TASP1: variants seen among roughly 807,000 people sequenced by gnomAD.
The protein encoded by TASP1 is taspase 1, also known as threonine aspartase 1.
Under a neutral mutation model 56.6 loss-of-function variants are expected in TASP1, and 16 were observed. The observed-to-expected ratio is 0.28, with a 90% confidence interval of 0.19 to 0.43. The LOEUF is 0.43. Among genes scored for constraint, TASP1 ranks in the 20% least tolerant of loss-of-function variants. TASP1 has a pLI of 1.00. For missense variants in TASP1, 393 were observed against 511.6 expected (o/e 0.77, Z 2.24); for synonymous variants, 179 against 184.2 (o/e 0.97, Z 0.23).
rs562647161 is a variant in TASP1, at chr20:13,588,204, A to C, written c.283-834T>G. The stretch of plus-strand genomic sequence containing the variant: ...GTACCTATTCACCAATATACTGTAC[A>C]ATCTAACCAGACAATTAGACAAAAA... On this transcript the variant is annotated intron_variant, in intron 4 of 13. Coordinates refer to ENST00000337743, the MANE Select transcript of TASP1 (RefSeq NM_017714.3). Among the ~76,000 whole-genome samples, 15 of 151,602 alleles carry C rather than the reference A, an allele frequency of 9.9e-5. No individual in the cohort carries two copies. The South Asian group carries it at 2.9e-3, about 30-fold the overall frequency.
chr20:13,218,515 G>T, the TASP1 span, among the ~76,000 whole-genome samples: 1 of 152,162 alleles, frequency 6.6e-6, no homozygotes, highest in South Asian at 2.1e-4. Flanking sequence ...TGGGAAAACA[G>T]ACATGCAAAC....
the TASP1 span, among the ~76,000 whole-genome samples, chr20:13,119,783 C>A: frequency 6.6e-6 from 1 of 152,200 alleles, no homozygotes; most frequent in African/African-American, 2.4e-5. Context: ...AGATGCAAAA[C>A]CTTGAAAACA....
At chr20:13,408,371 C>T (rs1011124132) in intron 13 of TASP1, among the ~76,000 whole-genome samples, 2 of 152,078 alleles carry the variant, frequency 1.3e-5, no homozygotes, top group Non-Finnish European at 2.9e-5. Context: ...TTGGTGTCCA[C>T]GGGCAATAAT....
chr20:13,284,115 T>C, the TASP1 span, among the ~76,000 whole-genome samples: 2 of 152,140 alleles, frequency 1.3e-5, no homozygotes, highest in African/African-American at 4.8e-5. Flanking sequence ...CCTCACAGGG[T>C]TGTTGTAGGA....
chr20:13,350,614 T>A, the TASP1 span, among the ~76,000 whole-genome samples: 1 of 152,130 alleles, frequency 6.6e-6, no homozygotes, highest in Non-Finnish European at 1.5e-5. Context: ...CAACTTATCA[T>A]CATAATATAT....
intron 4 of TASP1, among the ~76,000 whole-genome samples, chr20:13,615,374 T>A (rs2048485303): frequency 6.6e-6 from 1 of 152,190 alleles, no homozygotes; most frequent in African/African-American, 2.4e-5. Context: ...CTGTCAAATG[T>A]CTAAGATTCA....
the TASP1 span, among the ~76,000 whole-genome samples, chr20:13,220,577 G>A: frequency 6.6e-6 from 1 of 152,216 alleles, no homozygotes; most frequent in Non-Finnish European, 1.5e-5. Context: ...CGCGGGCACT[G>A]CGTCTCTGCA....
intron 8 of TASP1, among the ~76,000 whole-genome samples, chr20:13,542,786 A>C (rs2045670369): frequency 6.6e-6 from 1 of 152,148 alleles, no homozygotes; most frequent in Non-Finnish European, 1.5e-5. Context: ...ATGAAAAACA[A>C]AAATGTAGCA....
At chr20:13,221,144 G>A in the TASP1 span, among the ~76,000 whole-genome samples, 1 of 152,012 alleles carries the variant, frequency 6.6e-6, no homozygotes, top group Non-Finnish European at 1.5e-5. Context: ...TGGCTTGCCG[G>A]GTGAGTGGCT....
chr20:13,257,427 G>C, the TASP1 span, among the ~76,000 whole-genome samples: 6 of 152,186 alleles, frequency 3.9e-5, no homozygotes, highest in Non-Finnish European at 8.8e-5. Flanking sequence ...TGAGGTGGGA[G>C]AATCACTTGA....
chr20:13,134,456 C>T, the TASP1 span, among the ~76,000 whole-genome samples: 3 of 152,146 alleles, frequency 2.0e-5, no homozygotes, highest in Non-Finnish European at 4.4e-5. Flanking sequence ...GTCATCATTT[C>T]ATATTTCATG....
chr20:13,214,519 GCACACACACACACACACACACA>G, the TASP1 span, among the ~76,000 whole-genome samples: 2,054 of 115,768 alleles, frequency 0.018, 29 homozygotes, highest in South Asian at 0.04. Context: ...ACAGAGACAG[GCACACACACACACACACACACA>G]CACACACACA....
chr20:13,147,786 G>C, the TASP1 span, among the ~76,000 whole-genome samples: 2 of 152,164 alleles, frequency 1.3e-5, no homozygotes, highest in Admixed American at 1.3e-4. Flanking sequence ...CTGTATTCTG[G>C]ACAGTGGTCA....
intron 11 of TASP1, among the ~76,000 whole-genome samples, chr20:13,442,855 T>C (rs1294650366): frequency 1.3e-5 from 2 of 152,164 alleles, no homozygotes; most frequent in Admixed American, 6.5e-5. Context: ...CAGATTTTTA[T>C]ATGATCACCA....
chr20:13,386,990 G>C (rs565824884), downstream of TASP1, among the ~76,000 whole-genome samples: 340 of 152,114 alleles, frequency 2.2e-3, 1 homozygote, highest in African/African-American at 7.6e-3. Context: ...GGACCCGATA[G>C]GTGGTTTTTC....
the TASP1 span, among the ~76,000 whole-genome samples, chr20:13,362,599 C>A: frequency 3.1e-4 from 47 of 151,604 alleles, no homozygotes; most frequent in African/African-American, 9.0e-4. Context: ...ACTCTCTTTT[C>A]GGACTCAGCC....
intron 11 of TASP1, among the ~76,000 whole-genome samples, chr20:13,468,613 C>T (rs2044353603): frequency 6.6e-6 from 1 of 152,068 alleles, no homozygotes; most frequent in Non-Finnish European, 1.5e-5. Flanking sequence ...AGCTTAGGCC[C>T]TATTCAGACT....
the TASP1 span, chr20:13,237,950 G>C: frequency 6.6e-6 from 1 of 152,280 alleles, no homozygotes; most frequent in Non-Finnish European, 1.5e-5. Flanking sequence ...AAGACCAACT[G>C]CTGGCTGAGA....
chr20:13,629,078 A>G (rs996433212), intron 2 of TASP1, among the ~76,000 whole-genome samples: 1 of 152,152 alleles, frequency 6.6e-6, no homozygotes, highest in Non-Finnish European at 1.5e-5. Flanking sequence ...AAATATTAAG[A>G]GGGTGGGCCG....
Sources: gnomAD v4.1 joint callset for allele counts (sites outside exome capture counted in the v4.1 genomes callset) on GRCh38, gnomAD v4.1.1 for gene constraint, MANE v1.5 for transcripts, NCBI Gene and HGNC (gene_info 2026-07-23, HGNC 2026-07-21) for gene names.